The following CRYBG1 variants were observed in gnomAD, a reference collection of about 807,000 sequenced individuals.
CRYBG1 encodes crystallin beta-gamma domain containing 1.
CRYBG1 carries 139 observed loss-of-function variants against 189.2 expected under a neutral mutation model. The ratio of observed to expected loss-of-function variants is 0.73; its 90% confidence interval spans 0.64 to 0.85. The LOEUF (loss-of-function observed/expected upper bound fraction) is 0.85, where lower values mean the gene tolerates loss of function less well. CRYBG1 is among the 40% of genes least tolerant of loss of function. CRYBG1 has a pLI of 0.00. For synonymous variants in CRYBG1, 1,023 were observed against 1,017.1 expected, an observed-to-expected ratio of 1.01 and a Z score of -0.11; for missense variants, 2,611 against 2,675.8, an observed-to-expected ratio of 0.98 and a Z score of 0.53.
At position 106,519,732 on chromosome 6, in the gene CRYBG1, G is replaced by T. The variant is rs766872985; in HGVS notation, c.2524G>T (p.Val842Leu). ...TDTAQDIPTT[V>L]DTKDLPPTAM... The stretch of plus-strand genomic sequence containing the variant: ...TACAGCACAAGACATCCCCACCACT[G>T]TGGATACCAAAGATTTACCTCCAAC... The change falls in exon 4 of 22, where the codon GTG (valine) becomes TTG (leucine). Residue 842 changes from valine (V) to leucine (L), a missense_variant. Physicochemically the swap from Val to Leu is conservative, Grantham distance 32. Transcript: ENST00000633556. 1.1e-5 allele frequency: 18 copies of T among 1,614,038 alleles called. No individual in the cohort carries two copies. The highest frequency in any genetic ancestry group is 1.5e-5 in the Non-Finnish European group (18 of 1,180,044).
chr6:106,491,051 AC>A (rs1240679180), intron 2 of CRYBG1, among the ~76,000 whole-genome samples: 1 of 152,256 alleles, frequency 6.6e-6, no homozygotes, highest in East Asian at 1.9e-4. Context: ...AAACAAAACT[AC>A]AGGCTTGCTA....
chr6:106,400,281 A>G (rs899746353), intron 1 of CRYBG1, among the ~76,000 whole-genome samples: 10 of 152,152 alleles, frequency 6.6e-5, no homozygotes, highest in African/African-American at 2.4e-4. Context: ...TGCCCCACCC[A>G]GATCTGCCCT....
chr6:106,444,337 T>C (rs1168265825), intron 1 of CRYBG1, among the ~76,000 whole-genome samples: 1 of 152,206 alleles, frequency 6.6e-6, no homozygotes, highest in African/African-American at 2.4e-5. Context: ...AAAAATGCCA[T>C]GACCTTCAGC....
At chr6:106,515,557 A>G (rs1349424355) in intron 3 of CRYBG1, among the ~76,000 whole-genome samples, 1 of 152,186 alleles carries the variant, frequency 6.6e-6, no homozygotes, top group Non-Finnish European at 1.5e-5. Context: ...GTATGTGACC[A>G]TCCCTCATTA....
chr6:106,544,441 C>A, intron 11 of CRYBG1, 130 bp from the exon 12 acceptor site: 3 of 1,063,722 alleles, frequency 2.8e-6, no homozygotes, highest in Non-Finnish European at 4.0e-6. Flanking sequence ...TAAAGAATTC[C>A]AATGATAATA....
chr6:106,417,906 G>A (rs112778699), intron 1 of CRYBG1, among the ~76,000 whole-genome samples: 7 of 152,334 alleles, frequency 4.6e-5, no homozygotes, highest in South Asian at 2.1e-4. Context: ...TAGTTCCCCC[G>A]TCCACAGCTC....
At chr6:106,390,594 A>T (rs369631465) in intron 1 of CRYBG1, among the ~76,000 whole-genome samples, 61 of 117,802 alleles carry the variant, frequency 5.2e-4, no homozygotes, top group African/African-American at 1.6e-3. Flanking sequence ...CACTCCCCCT[A>T]CGCCCCGTCA....
Position 106,520,585 on chromosome 6 carries a change from A to G in CRYBG1, c.3377A>G (p.Lys1126Arg), listed in dbSNP as rs139190201. 2.4e-5 allele frequency: 38 copies of G among 1,613,976 alleles called. No homozygotes were observed. Among genetic ancestry groups the G allele is most frequent in the Admixed American group, 1.3e-4 (8 of 59,998 alleles). ...GCAGTTTGTATGCCCATGAAAAGAA[A>G]GAAGGCCAGGATGCCAAACTCTCCT... ...DSAVCMPMKRKKARMPNSPAP... is the reference protein window; with the variant it reads ...DSAVCMPMKRRKARMPNSPAP... The change falls in exon 4 of 22, where the codon AAG becomes AGG. Residue 1126 changes from lysine (K) to arginine (R), a missense_variant. Lys to Arg is a conservative substitution (Grantham distance 26). This residue lies in a region of CRYBG1 where 1,622 missense variants were observed against 1,735.0 expected (regional missense o/e 0.93). Transcript: ENST00000633556.
intron 8 of CRYBG1, among the ~76,000 whole-genome samples, chr6:106,534,140 T>C (rs11153005): frequency 0.68 from 103,481 of 151,596 alleles, 36,038 homozygotes; most frequent in South Asian, 0.84. Context: ...AAGGCATCTG[T>C]TATCATATTT....
chr6:106,373,785 T>C (rs1168241098), intron 1 of CRYBG1, among the ~76,000 whole-genome samples: 1 of 152,262 alleles, frequency 6.6e-6, no homozygotes, highest in Non-Finnish European at 1.5e-5. Flanking sequence ...TAAATCATTA[T>C]AGTCATTAAT....
chr6:106,472,862 C>A (rs1772262563), intron 2 of CRYBG1, among the ~76,000 whole-genome samples: 1 of 150,954 alleles, frequency 6.6e-6, no homozygotes, highest in South Asian at 2.1e-4. Flanking sequence ...CAAGATTGTG[C>A]CACTGCACTC....
chr6:106,515,077 A>T (rs138117550), intron 3 of CRYBG1, among the ~76,000 whole-genome samples: 6 of 152,342 alleles, frequency 3.9e-5, no homozygotes, highest in African/African-American at 9.6e-5. Flanking sequence ...GTATTTCCTG[A>T]AAAATGACAC....
intron 13 of CRYBG1, among the ~76,000 whole-genome samples, chr6:106,549,396 G>A (rs1360704130): frequency 6.6e-6 from 1 of 152,126 alleles, no homozygotes; most frequent in Non-Finnish European, 1.5e-5. Context: ...TTAATGTCAT[G>A]GCCACAGGTG....
intron 2 of CRYBG1, among the ~76,000 whole-genome samples, chr6:106,486,086 G>A (rs1772587525): frequency 6.6e-6 from 1 of 151,984 alleles, no homozygotes; most frequent in Non-Finnish European, 1.5e-5. Flanking sequence ...TTTTGTTGTA[G>A]GTGTTTGTTG....
At chr6:106,434,730 C>T (rs1771423671) in intron 1 of CRYBG1, among the ~76,000 whole-genome samples, 1 of 152,202 alleles carries the variant, frequency 6.6e-6, no homozygotes, top group Admixed American at 6.5e-5. Flanking sequence ...CTGTGTGGCT[C>T]TTCCAATAAA....
intron 1 of CRYBG1, among the ~76,000 whole-genome samples, chr6:106,407,618 T>C (rs1233143878): frequency 6.6e-6 from 1 of 152,082 alleles, no homozygotes; most frequent in Non-Finnish European, 1.5e-5. Context: ...ACTAACCACA[T>C]AATTGGAAGT....
chr6:106,566,753 G>A lies in CRYBG1; in HGVS notation c.6302-1719G>A, dbSNP rs1774900473. On this transcript the variant is annotated intron_variant, in intron 21 of 21. Coordinates refer to ENST00000633556, the MANE Select transcript of CRYBG1 (RefSeq NM_001371242.2). ...CGCACGTCCCACACCCCATGCAAAG[G>A]AAAATATAAACACGTCTCTTCTCGT... Among the ~76,000 whole-genome samples the A allele has an allele frequency of 2.6e-5, 4 of 152,100 alleles. No individual in the cohort carries two copies. The South Asian group carries it at 8.3e-4, about 32-fold the overall frequency.
chr6:106,502,217 A>G (rs1385452103), intron 2 of CRYBG1, among the ~76,000 whole-genome samples: 1 of 152,154 alleles, frequency 6.6e-6, no homozygotes, highest in Non-Finnish European at 1.5e-5. Context: ...TAGTACTTAG[A>G]TTCTGAGACT....
At chr6:106,362,481 A>G (rs971606278) in intron 1 of CRYBG1, among the ~76,000 whole-genome samples, 12 of 152,092 alleles carry the variant, frequency 7.9e-5, no homozygotes, top group African/African-American at 2.9e-4. Context: ...GGCTTCCTGG[A>G]GGAGGATAGG....
Sources: gnomAD v4.1 joint callset for allele counts (sites outside exome capture counted in the v4.1 genomes callset) on GRCh38, gnomAD v4.1.1 for gene constraint, gnomAD v4.1.1 regional missense constraint, MANE v1.5 for transcripts, NCBI Gene and HGNC (gene_info 2026-07-23, HGNC 2026-07-21) for gene names.